FRY: variants seen among roughly 807,000 people sequenced by gnomAD.
FRY encodes the protein protein furry homolog.
Under a neutral mutation model 348.4 loss-of-function variants are expected in FRY, and 128 were observed. The ratio of observed to expected loss-of-function variants is 0.37; its 90% confidence interval spans 0.32 to 0.43. FRY has a LOEUF of 0.43. Ranked by LOEUF, FRY falls within the 20% of genes least tolerant of loss-of-function variation. FRY has a pLI of 1.00. For synonymous variants in FRY, 1,370 were observed against 1,374.7 expected (o/e 1.00, Z 0.08); for missense variants, 2,736 against 3,695.2 (o/e 0.74, Z 6.73).
chr13:32,182,917 T>C (rs1882799222), intron 23 of FRY, 60 bp from the exon 24 acceptor site: 1 of 1,028,600 alleles, frequency 9.7e-7, no homozygotes, highest in African/African-American at 1.6e-5. Flanking sequence ...TATAGAGTAT[T>C]TAGTGACAAG....
At chr13:32,032,023 T>TTCTTTCTTTCTTTCTTTCTTTCTTTTTC (rs1182595636) in intron 1 of FRY, among the ~76,000 whole-genome samples, 158 bp downstream of exon 1, 7 of 134,132 alleles carry the variant, frequency 5.2e-5, no homozygotes, top group African/African-American at 1.9e-4. Flanking sequence ...CTTTCTTTCT[T>TTCTTTCTTTCTTTCTTTCTTTCTTTTTC]TTTCTTTCTT....
intron 58 of FRY, among the ~76,000 whole-genome samples, chr13:32,281,374 A>G (rs776673139): frequency 2.0e-4 from 30 of 152,194 alleles, no homozygotes; most frequent in Non-Finnish European, 3.4e-4. Flanking sequence ...TTAATTTTGG[A>G]AGCAAAACAT....
intron 11 of FRY, among the ~76,000 whole-genome samples, chr13:32,137,439 CTG>C (rs2138784301): frequency 6.6e-6 from 1 of 152,320 alleles, no homozygotes; most frequent in Non-Finnish European, 1.5e-5. Context: ...TAGCTCCAGT[CTG>C]TGGAAGGACT....
chr13:32,086,793 A>ATGAGAGCT (rs556688489), intron 2 of FRY, among the ~76,000 whole-genome samples: 14 of 152,340 alleles, frequency 9.2e-5, no homozygotes, highest in South Asian at 4.1e-4. Flanking sequence ...GAGACTAAGA[A>ATGAGAGCT]TGAGAGCTGT....
At chr13:32,080,925 A>G (rs1385520827) in intron 2 of FRY, among the ~76,000 whole-genome samples, 1 of 152,234 alleles carries the variant, frequency 6.6e-6, no homozygotes, top group African/African-American at 2.4e-5. Context: ...ATGCTTACAC[A>G]GCTAGGTCCT....
intron 2 of FRY, among the ~76,000 whole-genome samples, chr13:32,086,788 T>A (rs1322802705): frequency 6.6e-6 from 1 of 152,174 alleles, no homozygotes; most frequent in Non-Finnish European, 1.5e-5. Flanking sequence ...CAGCAGAGAC[T>A]AAGAATGAGA....
intron 57 of FRY, among the ~76,000 whole-genome samples, chr13:32,278,043 C>T (rs1888622560): frequency 6.6e-6 from 1 of 152,178 alleles, no homozygotes; most frequent in African/African-American, 2.4e-5. Flanking sequence ...GCAGATGCAG[C>T]CACCGCAGCA....
chr13:32,264,814 A>G (rs1002521076), intron 53 of FRY, among the ~76,000 whole-genome samples: 1 of 152,188 alleles, frequency 6.6e-6, no homozygotes, highest in Non-Finnish European at 1.5e-5. Context: ...AATGGATCTT[A>G]GAGGATCCCC....
chr13:32,136,007 T>G (rs964490214), intron 10 of FRY, among the ~76,000 whole-genome samples: 1 of 151,690 alleles, frequency 6.6e-6, no homozygotes, highest in African/African-American at 2.4e-5. Context: ...ATGGTAGCAG[T>G]AGTTCCAAGT....
At chr13:32,037,055 CACAA>C (rs71071016) in intron 1 of FRY, among the ~76,000 whole-genome samples, 9,976 of 51,270 alleles carry the variant, frequency 0.19, 452 homozygotes, top group South Asian at 0.24. Flanking sequence ...CACACACACA[CACAA>C]ACACACACAC....
chr13:32,220,900 A>G (rs1885276835), intron 36 of FRY, among the ~76,000 whole-genome samples: 1 of 152,208 alleles, frequency 6.6e-6, no homozygotes, highest in Admixed American at 6.5e-5. Context: ...GTTGCAAGTA[A>G]GTTACTTGTA....
chr13:32,201,560 T>A (rs1466130826), intron 29 of FRY, among the ~76,000 whole-genome samples: 1 of 152,274 alleles, frequency 6.6e-6, no homozygotes, highest in Admixed American at 6.5e-5. Flanking sequence ...ATTGATTTGG[T>A]GAGCTATTGA....
At chr13:32,241,224 G>A (rs1387337851) in intron 46 of FRY, among the ~76,000 whole-genome samples, 1 of 152,182 alleles carries the variant, frequency 6.6e-6, no homozygotes, top group Non-Finnish European at 1.5e-5. Context: ...ATAAGGTGAA[G>A]TGTAGATAGC....
chr13:32,080,092 A>G (rs1447965533), intron 2 of FRY, among the ~76,000 whole-genome samples: 2 of 152,224 alleles, frequency 1.3e-5, no homozygotes, highest in Non-Finnish European at 2.9e-5. Context: ...GAAAGTTACA[A>G]ACTTTGCACA....
chr13:32,269,357 A>G (rs550581435), intron 55 of FRY, among the ~76,000 whole-genome samples: 1 of 152,106 alleles, frequency 6.6e-6, no homozygotes, highest in African/African-American at 2.4e-5. Context: ...ATTTCTTTTT[A>G]TGGTATGGGA....
rs753218297 is a variant in FRY, at chr13:32,101,999, G to C, written c.307G>C (p.Asp103His). 13 of 1,548,332 alleles carry C rather than the reference G, an allele frequency of 8.4e-6. 1 individual carries two copies. The highest frequency in any genetic ancestry group is 1.7e-4 in the Middle Eastern group (1 of 5,960). ...GACAAAATCTCTGCAACGTGGAGAA[G>C]ACCCCCAATTTGATCAGGTATGTGA... ...PLTKSLQRGE[D>H]PQFDQVISSM... The change falls in exon 3 of 61, where the codon GAC becomes CAC. Residue 103 changes from aspartate to histidine, a missense_variant. Coordinates refer to ENST00000542859, the MANE Select transcript of FRY (RefSeq NM_023037.3).
intron 35 of FRY, among the ~76,000 whole-genome samples, chr13:32,215,547 T>C (rs867750130): frequency 1.4e-4 from 22 of 152,360 alleles, no homozygotes; most frequent in Admixed American, 2.6e-4. Context: ...TAGCAATTTT[T>C]AAAGTATGCA....
In FRY at chr13:32,289,846, C is replaced by T. The variant is rs559356989; in HGVS notation, c.8580+103C>T. On this transcript the variant is annotated intron_variant, in intron 59 of 60. Coordinates refer to ENST00000542859, the MANE Select transcript of FRY (RefSeq NM_023037.3). ...ATAACTGCCCAAGTGATTTTATTCC[C>T]GCATAATTATTTTGCTCAAACACAA... The T allele has an allele frequency of 3.4e-4, 244 of 726,872 alleles. 5 individuals are homozygous for T. Among genetic ancestry groups the T allele is most frequent in the South Asian group, 2.7e-3 (185 of 68,928 alleles). 45.0% of individuals were successfully genotyped at this position (726,872 alleles called of 1,614,324 possible). A position where few individuals can be genotyped will look rare whatever the true frequency, so the allele number is the denominator to read the frequency against.
intron 55 of FRY, among the ~76,000 whole-genome samples, chr13:32,267,654 A>T (rs889237779): frequency 1.3e-5 from 2 of 152,072 alleles, no homozygotes; most frequent in Admixed American, 1.3e-4. Context: ...CCATTAAGGG[A>T]ATCTTCTGCC....
Sources: allele counts gnomAD v4.1 joint callset (sites outside exome capture counted in the v4.1 genomes callset), GRCh38; gene constraint gnomAD v4.1.1; transcripts MANE v1.5; gene names NCBI Gene and HGNC (gene_info 2026-07-23, HGNC 2026-07-21).